The following SNRPN variants were observed in gnomAD, a reference collection of about 807,000 sequenced individuals.
The protein encoded by SNRPN is small nuclear ribonucleoprotein-associated protein N.
SNRPN carries 7 observed loss-of-function variants against 25.2 expected under a neutral mutation model. The observed-to-expected ratio is 0.28, with a 90% CI of 0.16 to 0.52. SNRPN has a LOEUF of 0.52. Ranked by LOEUF, SNRPN falls within the 20% of genes least tolerant of loss-of-function variation. SNRPN has a pLI of 0.96. For missense variants in SNRPN, 196 were observed against 322.5 expected (o/e 0.61, Z 3.00); for synonymous variants, 124 against 110.6 (o/e 1.12, Z -0.76).
At chr15:24,965,136 A>G (rs976338547) in intron 2 of SNRPN, among the ~76,000 whole-genome samples, 2 of 152,164 alleles carry the variant, frequency 1.3e-5, no homozygotes, top group Non-Finnish European at 2.9e-5. Flanking sequence ...AGAATGTTAT[A>G]CTAGAAGTGT....
chr15:24,974,318 C>G lies in SNRPN; in HGVS notation c.-136C>G. The G allele has an allele frequency of 1.3e-6, 1 of 788,932 alleles. No individual in the cohort carries two copies. 48.9% of individuals were successfully genotyped at this position (788,932 alleles called of 1,614,324 possible). A position where few individuals can be genotyped will look rare whatever the true frequency, so the allele number is the denominator to read the frequency against. Reference sequence around the variant, plus strand: ...ACATGCTTTCCTCTGCAGGCTCCATCTACTCTTTGAAGCTTCTGCCCAGCT... The same window carrying G: ...ACATGCTTTCCTCTGCAGGCTCCATGTACTCTTTGAAGCTTCTGCCCAGCT... On this transcript the variant is annotated 5_prime_UTR_variant, in exon 4 of 10. It adds an upstream start codon to the 5' untranslated region. Coordinates refer to ENST00000390687, the MANE Select transcript of SNRPN (RefSeq NM_003097.6).
At chr15:24,865,129 C>A (rs2054449349) in intron 1 of SNRPN, among the ~76,000 whole-genome samples, 1 of 151,350 alleles carries the variant, frequency 6.6e-6, no homozygotes, top group Admixed American at 6.6e-5. Flanking sequence ...TCACTGCAAC[C>A]TCTGCCTCCC....
chr15:24,862,928 C>A (rs1655787131), intron 1 of SNRPN, among the ~76,000 whole-genome samples: 1 of 150,746 alleles, frequency 6.6e-6, no homozygotes, highest in Non-Finnish European at 1.5e-5. Flanking sequence ...GAGGCAGGAG[C>A]AGGAAGGACA....
chr15:24,951,312 C>T (rs561621353), upstream of SNRPN, among the ~76,000 whole-genome samples: 69 of 152,190 alleles, frequency 4.5e-4, no homozygotes, highest in Admixed American at 2.0e-3. Flanking sequence ...CCAATTTCTC[C>T]ACCTCCTCCA....
intron 6 of SNRPN, 77 bp from the exon 7 acceptor site, chr15:24,976,800 G>T (rs971757570): frequency 6.1e-6 from 8 of 1,320,284 alleles, no homozygotes; most frequent in African/African-American, 1.5e-5. Context: ...ATGGTGGAGA[G>T]AAGTGATCTC....
intron 3 of SNRPN, among the ~76,000 whole-genome samples, chr15:24,947,771 G>A (rs2061971116): frequency 6.6e-6 from 1 of 152,098 alleles, no homozygotes; most frequent in African/African-American, 2.4e-5. Flanking sequence ...CCATGTCTGG[G>A]TTGGACTTTA....
intron 4 of SNRPN, chr15:24,974,912 A>G: frequency 1.4e-6 from 1 of 702,880 alleles, no homozygotes; most frequent in Non-Finnish European, 2.6e-6. Context: ...TTTGGTCATG[A>G]TTCCACCAGT....
At chr15:24,959,656 G>A (rs1229268940) in intron 1 of SNRPN, among the ~76,000 whole-genome samples, 1 of 152,046 alleles carries the variant, frequency 6.6e-6, no homozygotes, top group Non-Finnish European at 1.5e-5. Context: ...ATTATATTAA[G>A]GTACTACATT....
chr15:24,938,041 T>C (rs1239239927), intron 3 of SNRPN, among the ~76,000 whole-genome samples: 1 of 152,198 alleles, frequency 6.6e-6, no homozygotes, highest in Non-Finnish European at 1.5e-5. Flanking sequence ...TGCTTCTGCC[T>C]TTTGGGTAAT....
chr15:24,927,571 C>T (rs1418912411), intron 3 of SNRPN, among the ~76,000 whole-genome samples: 1 of 138,592 alleles, frequency 7.2e-6, no homozygotes, highest in Non-Finnish European at 1.5e-5. Flanking sequence ...TAATGCATTT[C>T]CTGAGAACCG....
Position 24,977,865 on chromosome 15 carries a change from C to T in SNRPN, c.508C>T (p.Pro170Ser), listed in dbSNP as rs1225452253. The T allele has an allele frequency of 6.2e-7, 1 of 1,612,690 alleles. No homozygotes were observed. The highest frequency in any genetic ancestry group is 1.7e-5 in the Admixed American group (1 of 59,776). The change falls in exon 8 of 10, where the codon CCA (proline) becomes TCA (serine). Residue 170 changes from proline to serine, a missense_variant. Transcript: ENST00000390687. Reference sequence around the variant, plus strand: ...TGCTGGAGCCCCAACACAGTACCCACCAGGACGGGGCACTCCGCCCCCACC... The same window carrying T: ...TGCTGGAGCCCCAACACAGTACCCATCAGGACGGGGCACTCCGCCCCCACC... ...SIAGAPTQYPPGRGTPPPPVG... is the reference protein window; with the variant it reads ...SIAGAPTQYPSGRGTPPPPVG...
intron 3 of SNRPN, among the ~76,000 whole-genome samples, chr15:24,925,356 G>A (rs2060307341): frequency 6.6e-6 from 1 of 151,938 alleles, no homozygotes. Flanking sequence ...GCTCACACTT[G>A]TACAGCACTT....
chr15:24,884,148 C>CAAAAAAAAAA (rs61039873), intron 1 of SNRPN, among the ~76,000 whole-genome samples: 9,883 of 104,066 alleles, frequency 0.095, 889 homozygotes, highest in Admixed American at 0.16. Context: ...CCTGCCTCTA[C>CAAAAAAAAAA]AAAAAAAAAA....
chr15:24,953,597 A>G (rs1444289868), upstream of SNRPN, among the ~76,000 whole-genome samples: 2 of 152,224 alleles, frequency 1.3e-5, no homozygotes, highest in Non-Finnish European at 1.5e-5. Flanking sequence ...CTGGGAATAC[A>G]GGCGTAAGCC....
intron 1 of SNRPN, among the ~76,000 whole-genome samples, chr15:24,859,558 A>T (rs967297895): frequency 6.6e-6 from 1 of 152,212 alleles, no homozygotes; most frequent in Non-Finnish European, 1.5e-5. Flanking sequence ...AACAGCATTG[A>T]TACTTTATGG....
chr15:24,969,258 A>G (rs1450231564), intron 3 of SNRPN, among the ~76,000 whole-genome samples: 3 of 152,044 alleles, frequency 2.0e-5, no homozygotes, highest in African/African-American at 7.2e-5. Flanking sequence ...CCTCCCAAGT[A>G]TCTGGGATTA....
chr15:24,902,709 A>G (rs1206935240), intron 2 of SNRPN, among the ~76,000 whole-genome samples: 1 of 152,174 alleles, frequency 6.6e-6, no homozygotes, highest in Non-Finnish European at 1.5e-5. Flanking sequence ...TACAGCTCTC[A>G]GTCCGGAGTT....
At chr15:24,864,159 T>C (rs2054295830) in intron 1 of SNRPN, among the ~76,000 whole-genome samples, 1 of 148,238 alleles carries the variant, frequency 6.7e-6, no homozygotes, top group Non-Finnish European at 1.5e-5. Flanking sequence ...CCCAAGTAGC[T>C]GGGACTACAG....
At chr15:24,938,253 A>C (rs2061354817) in intron 3 of SNRPN, among the ~76,000 whole-genome samples, 1 of 151,960 alleles carries the variant, frequency 6.6e-6, no homozygotes, top group African/African-American at 2.4e-5. Context: ...CAGCCTCTCA[A>C]GTAGCTGGAA....
Sources: gnomAD v4.1 joint callset for allele counts (sites outside exome capture counted in the v4.1 genomes callset) on GRCh38, gnomAD v4.1.1 for gene constraint, MANE v1.5 for transcripts, NCBI Gene and HGNC (gene_info 2026-07-23, HGNC 2026-07-21) for gene names.